The following CFAP77 variants were observed in gnomAD, a reference collection of about 807,000 sequenced individuals.
The protein encoded by CFAP77 is cilia and flagella associated protein 77.
A neutral mutation model predicts 31.1 loss-of-function variants in CFAP77; 25 were observed. The observed-to-expected ratio is 0.80, with a 90% CI of 0.59 to 1.12. The LOEUF is 1.12. Among genes scored for constraint, CFAP77 ranks in the 50% most tolerant of loss-of-function variants. The pLI, the probability that CFAP77 is intolerant of heterozygous loss-of-function variation, is 0.00. For missense variants in CFAP77, 377 were observed against 397.3 expected (o/e 0.95, Z 0.44); for synonymous variants, 151 against 159.9 (o/e 0.94, Z 0.42).
At chr9:132,496,210 A>G (rs1851740544) in intron 1 of CFAP77, among the ~76,000 whole-genome samples, 1 of 152,166 alleles carries the variant, frequency 6.6e-6, no homozygotes, top group Non-Finnish European at 1.5e-5. Flanking sequence ...TTTTTTTAAA[A>G]AAAACCTTAA....
chr9:132,414,237 T>C (rs541160898), intron 1 of CFAP77, among the ~76,000 whole-genome samples: 3 of 152,208 alleles, frequency 2.0e-5, no homozygotes, highest in Non-Finnish European at 2.9e-5. Flanking sequence ...ACTGATTTCT[T>C]AGGACTTCTT....
chr9:132,567,536 C>T (rs1404537243), intron 5 of CFAP77, among the ~76,000 whole-genome samples: 2 of 152,186 alleles, frequency 1.3e-5, no homozygotes, highest in Non-Finnish European at 2.9e-5. Context: ...CCTCCTGCCA[C>T]CAGCAGGGCC....
intron 1 of CFAP77, among the ~76,000 whole-genome samples, chr9:132,444,645 A>G (rs1850677077): frequency 6.6e-6 from 1 of 152,176 alleles, no homozygotes; most frequent in South Asian, 2.1e-4. Flanking sequence ...CAGTGTTTGG[A>G]TCCATAGCGA....
chr9:132,507,772 G>A (rs950277953), intron 3 of CFAP77, among the ~76,000 whole-genome samples: 2 of 152,184 alleles, frequency 1.3e-5, no homozygotes, highest in African/African-American at 2.4e-5. Context: ...AGTTTCTGAA[G>A]GGCGAGACCA....
intron 1 of CFAP77, among the ~76,000 whole-genome samples, chr9:132,411,923 A>G (rs1017150165): frequency 6.6e-6 from 1 of 152,202 alleles, no homozygotes; most frequent in Non-Finnish European, 1.5e-5. Context: ...ATGCACCCAT[A>G]TAACATACCG....
intron 1 of CFAP77, among the ~76,000 whole-genome samples, chr9:132,453,943 G>A (rs563828367): frequency 1.3e-5 from 2 of 152,314 alleles, no homozygotes; most frequent in Non-Finnish European, 2.9e-5. Context: ...ATCAGCGTGT[G>A]TATTTGCACC....
chr9:132,554,729 C>G lies in CFAP77; in HGVS notation c.732+11682C>G, dbSNP rs370062176. Among the ~76,000 whole-genome samples the G allele has an allele frequency of 1.3e-5, 2 of 152,208 alleles. No individual in the cohort carries two copies. Among genetic ancestry groups the G allele is most frequent in the East Asian group, 1.9e-4 (1 of 5,200 alleles). ...GGTACAACTACTGAAGAAAGTAAAA[C>G]ACTTCTTCCACTTAGAGTTTAAGCT... is the stretch of plus-strand genomic sequence containing the variant. On this transcript the variant is annotated intron_variant, in intron 5 of 5. Coordinates refer to ENST00000393216, the MANE Select transcript of CFAP77 (RefSeq NM_001282957.2). The surrounding 1 kb of genome is among the most constrained non-coding windows in gnomAD (Gnocchi z 4.1).
intron 3 of CFAP77, among the ~76,000 whole-genome samples, chr9:132,536,977 G>A (rs1452464185): frequency 6.6e-6 from 1 of 152,110 alleles, no homozygotes; most frequent in Non-Finnish European, 1.5e-5. Context: ...CGTTGTCAAA[G>A]GGAACCAGAG....
At chr9:132,458,357 G>GGGGGGGGTGGGGTGGGGT (rs139008147) in intron 1 of CFAP77, among the ~76,000 whole-genome samples, 1 of 119,046 alleles carries the variant, frequency 8.4e-6, no homozygotes, top group Non-Finnish European at 1.7e-5. Flanking sequence ...GAGGGGGGGG[G>GGGGGGGGTGGGGTGGGGT]GTGTGTATGG....
At chr9:132,434,195 CT>C (rs908589119) in intron 1 of CFAP77, among the ~76,000 whole-genome samples, 1 of 151,898 alleles carries the variant, frequency 6.6e-6, no homozygotes, top group African/African-American at 2.4e-5. Flanking sequence ...GCTCTGGGTC[CT>C]CTCCTCTGGA....
chr9:132,435,334 G>C lies in CFAP77; in HGVS notation c.195+24868G>C, dbSNP rs143527068. On this transcript the variant is annotated intron_variant, in intron 1 of 5. Coordinates refer to ENST00000393216, the MANE Select transcript of CFAP77 (RefSeq NM_001282957.2). ...TAACTTCCATTTTGGGGTTCTAAGA[G>C]AGAGAAAAAGAGAGAGATTTTTAAA... Among the ~76,000 whole-genome samples the C allele has an allele frequency of 9.7e-4, 147 of 152,262 alleles. 3 individuals carry two copies. The East Asian group carries it at 0.027, about 28-fold the overall frequency.
At chr9:132,445,078 A>G (rs1850686687) in intron 1 of CFAP77, among the ~76,000 whole-genome samples, 1 of 151,240 alleles carries the variant, frequency 6.6e-6, no homozygotes, top group Non-Finnish European at 1.5e-5. Context: ...GGTTCCAGCA[A>G]TTCTTCTGCC....
At chr9:132,443,246 G>T (rs1589852977) in intron 1 of CFAP77, among the ~76,000 whole-genome samples, 7 of 147,830 alleles carry the variant, frequency 4.7e-5, no homozygotes, top group Admixed American at 1.3e-4. Flanking sequence ...TTTTTTTTTT[G>T]TTTTATTTTT....
At chr9:132,491,506 G>T (rs977829019) in intron 1 of CFAP77, among the ~76,000 whole-genome samples, 1 of 152,172 alleles carries the variant, frequency 6.6e-6, no homozygotes, top group Non-Finnish European at 1.5e-5. Flanking sequence ...TTATACAAAC[G>T]CACGACTGTG....
At chr9:132,496,069 A>G (rs899063763) in intron 1 of CFAP77, among the ~76,000 whole-genome samples, 1 of 152,244 alleles carries the variant, frequency 6.6e-6, no homozygotes, top group Non-Finnish European at 1.5e-5. Flanking sequence ...CCTATTTATT[A>G]GCATCTATTC....
chr9:132,548,724 C>T (rs1852776815), intron 5 of CFAP77, among the ~76,000 whole-genome samples: 1 of 133,880 alleles, frequency 7.5e-6, no homozygotes, highest in Non-Finnish European at 1.6e-5. Context: ...CTCGGAACAT[C>T]CGCCCCTCCC....
chr9:132,451,481 C>T (rs1012234616), intron 1 of CFAP77, among the ~76,000 whole-genome samples: 5 of 152,070 alleles, frequency 3.3e-5, no homozygotes, highest in African/African-American at 9.7e-5. Flanking sequence ...CATAGTTTCG[C>T]GAAGATTCAA....
At chr9:132,443,992 C>G (rs192349614) in intron 1 of CFAP77, among the ~76,000 whole-genome samples, 1 of 152,378 alleles carries the variant, frequency 6.6e-6, no homozygotes, top group East Asian at 1.9e-4. Flanking sequence ...CAATTCTGAG[C>G]TGGGCCCTGG....
Position 132,523,088 on chromosome 9 carries a change from C to CTTTCT in CFAP77, c.525-14510_525-14509insCTTTT, listed in dbSNP as rs769120654. On this transcript the variant is annotated intron_variant, in intron 3 of 5. Coordinates refer to ENST00000393216, the MANE Select transcript of CFAP77 (RefSeq NM_001282957.2). ...TCACTGGTAGGCTTCTTTCTTCTTTCTTTTTTTTTTTTTTTTTGAGACAGG... is the reference window on the plus strand; with the variant it reads ...TCACTGGTAGGCTTCTTTCTTCTTTCTTTCTTTTTTTTTTTTTTTTTTGAGACAGG... Among the ~76,000 whole-genome samples the CTTTCT allele has an allele frequency of 1.2e-3, 152 of 125,298 alleles. 1 individual carries two copies. The highest frequency in any genetic ancestry group is 4.1e-3 in the African/African-American group (148 of 35,962). 82.2% of individuals were successfully genotyped at this position (125,298 alleles called of 152,430 possible).
Sources: gnomAD v4.1 joint callset for allele counts (sites outside exome capture counted in the v4.1 genomes callset) on GRCh38, gnomAD v4.1.1 for gene constraint, Gnocchi (gnomAD v3.1) non-coding constraint, MANE v1.5 for transcripts, NCBI Gene and HGNC (gene_info 2026-07-23, HGNC 2026-07-21) for gene names.